Variants in CREB3L2 observed in about 807,000 individuals in gnomAD.
CREB3L2 encodes the protein cyclic AMP-responsive element-binding protein 3-like protein 2.
A neutral mutation model predicts 57.2 loss-of-function variants in CREB3L2; 23 were observed. The ratio of observed to expected loss-of-function variants is 0.40; its 90% confidence interval spans 0.29 to 0.57. The LOEUF is 0.57. CREB3L2 is among the 20% of genes least tolerant of loss of function. The pLI, the probability that CREB3L2 is intolerant of heterozygous loss-of-function variation, is 0.42. For synonymous variants in CREB3L2, 268 were observed against 265.1 expected (o/e 1.01, Z -0.11); for missense variants, 628 against 634.7 (o/e 0.99, Z 0.11).
Position 137,875,555 on chromosome 7 carries a change from TG to T in CREB3L2, c.*4920del. Reference sequence around the variant, plus strand: ...AACAAAAAGATAGGAGATGGACACCTGGGGGACTGCTCCAGCACGAAGGGAA... The same window carrying T: ...AACAAAAAGATAGGAGATGGACACCTGGGGACTGCTCCAGCACGAAGGGAA... On this transcript the variant is annotated 3_prime_UTR_variant, in exon 12 of 12. Transcript: ENST00000330387. 4.5e-6 allele frequency: 1 copy of T among 223,516 alleles called. No individual in the cohort carries two copies. The highest frequency in any genetic ancestry group is 1.8e-4 in the South Asian group (1 of 5,446). The allele number at this position is 223,516 out of a possible 1,614,324, so 13.8% of individuals were successfully genotyped here. A position where few individuals can be genotyped will look rare whatever the true frequency, so the allele number is the denominator to read the frequency against.
intron 1 of CREB3L2, among the ~76,000 whole-genome samples, chr7:137,973,247 C>T (rs1801549323): frequency 1.3e-5 from 2 of 151,736 alleles, no homozygotes; most frequent in Admixed American, 6.6e-5. Context: ...TAACGATGAC[C>T]TTAATCATAG....
At chr7:137,910,127 C>A (rs1799975423) in intron 4 of CREB3L2, among the ~76,000 whole-genome samples, 3 of 152,076 alleles carry the variant, frequency 2.0e-5, no homozygotes, top group Admixed American at 2.0e-4. Context: ...AGAGGATGAG[C>A]AGCAATCAGC....
chr7:137,898,056 A>G (rs1366559116), intron 8 of CREB3L2, among the ~76,000 whole-genome samples: 2 of 152,260 alleles, frequency 1.3e-5, no homozygotes, highest in African/African-American at 2.4e-5. Flanking sequence ...AGGAACTCAT[A>G]CAACTCAATA....
chr7:137,959,267 A>G (rs1801276252), intron 1 of CREB3L2, among the ~76,000 whole-genome samples: 1 of 152,230 alleles, frequency 6.6e-6, no homozygotes, highest in Admixed American at 6.5e-5. Context: ...CTGGGCCCCA[A>G]GAGTCTTTGG....
In CREB3L2 at chr7:137,915,935, C is replaced by T. The variant is rs200109348; in HGVS notation, c.397G>A (p.Glu133Lys). Residue 133 changes from glutamate to lysine, a missense_variant, in exon 3 of 12, where the codon GAA (glutamate) becomes AAA (lysine). Transcript: ENST00000330387. The stretch of plus-strand genomic sequence containing the variant: ...GACGGAACGAGTCCTGGGGGTGGTT[C>T]GTCTGTAACTGGCTCTGTCTTGATG... ...TSIKTEPVTD[E>K]PPPGLVPSVT... 1.2e-5 allele frequency: 20 copies of T among 1,613,932 alleles called. No homozygotes were observed. Among genetic ancestry groups the T allele is most frequent in the Admixed American group, 1.2e-4 (7 of 60,014 alleles).
intron 8 of CREB3L2, among the ~76,000 whole-genome samples, chr7:137,896,576 C>T (rs1799632046): frequency 6.6e-6 from 1 of 152,198 alleles, no homozygotes; most frequent in Non-Finnish European, 1.5e-5. Context: ...ACTGGGATTA[C>T]AGGTGTGAGC....
chr7:137,969,142 T>A (rs1285459860), intron 1 of CREB3L2, among the ~76,000 whole-genome samples: 1 of 152,100 alleles, frequency 6.6e-6, no homozygotes, highest in Non-Finnish European at 1.5e-5. Flanking sequence ...AAGAAAACTG[T>A]TCCCAGTCTG....
intron 1 of CREB3L2, among the ~76,000 whole-genome samples, chr7:137,967,560 A>G (rs1362033258): frequency 6.6e-6 from 1 of 152,058 alleles, no homozygotes; most frequent in Non-Finnish European, 1.5e-5. Context: ...CCAAAACAAG[A>G]GATACTCCGG....
intron 1 of CREB3L2, among the ~76,000 whole-genome samples, chr7:137,972,707 A>AACAAAACAAAAC (rs1408337627): frequency 2.3e-5 from 1 of 44,238 alleles, no homozygotes; most frequent in Admixed American, 2.7e-4. Context: ...AAAAAAAAAA[A>AACAAAACAAAAC]AAAAAATATA....
chr7:137,882,287 G>C (rs1048966588), intron 11 of CREB3L2, 125 bp downstream of exon 11: 7 of 675,156 alleles, frequency 1.0e-5, no homozygotes, highest in African/African-American at 8.9e-5. Flanking sequence ...CCTGGAAATA[G>C]GTCCTGAGAG....
intron 1 of CREB3L2, among the ~76,000 whole-genome samples, chr7:137,984,560 G>T (rs1032382736): frequency 6.6e-6 from 1 of 152,226 alleles, no homozygotes; most frequent in African/African-American, 2.4e-5. Flanking sequence ...CCTAGCTCAG[G>T]ACTGCTTGGT....
At chr7:137,995,962 G>A (rs531627607) in intron 1 of CREB3L2, among the ~76,000 whole-genome samples, 11 of 152,192 alleles carry the variant, frequency 7.2e-5, no homozygotes, top group African/African-American at 2.4e-4. Context: ...AAAATAATCC[G>A]TCAAAGATTT....
At position 137,876,898 on chromosome 7, in the gene CREB3L2, G is replaced by A. The variant is rs1286968876; in HGVS notation, c.*3578C>T. 4.3e-6 allele frequency: 1 copy of A among 232,164 alleles called. No individual in the cohort carries two copies. The highest frequency in any genetic ancestry group is 8.5e-6 in the Non-Finnish European group (1 of 117,442). The allele number at this position is 232,164 out of a possible 1,614,324, so 14.4% of individuals were successfully genotyped here. A position where few individuals can be genotyped will look rare whatever the true frequency, so the allele number is the denominator to read the frequency against. ...GGCATGAATGGGCCATTATTCAACT[G>A]GGGGTGGGATGTCTCCATTTCTGGA... On this transcript the variant is annotated 3_prime_UTR_variant, in exon 12 of 12. Coordinates refer to ENST00000330387, the MANE Select transcript of CREB3L2 (RefSeq NM_194071.4).
chr7:137,918,533 T>C (rs900531355), intron 2 of CREB3L2, among the ~76,000 whole-genome samples: 1 of 151,952 alleles, frequency 6.6e-6, no homozygotes, highest in Non-Finnish European at 1.5e-5. Flanking sequence ...CTGAGTAATA[T>C]TTATCCCTGG....
intron 8 of CREB3L2, among the ~76,000 whole-genome samples, chr7:137,894,021 T>C (rs1364400): frequency 0.14 from 21,014 of 152,156 alleles, 4,512 homozygotes; most frequent in African/African-American, 0.46. Flanking sequence ...CTCCACACCG[T>C]TGGAGAGAGA....
intron 1 of CREB3L2, among the ~76,000 whole-genome samples, chr7:137,970,059 G>A (rs1801481531): frequency 6.6e-6 from 1 of 152,192 alleles, no homozygotes; most frequent in African/African-American, 2.4e-5. Context: ...GGGGTTAGAA[G>A]ATCATCCAGC....
chr7:137,959,784 A>T (rs1433777635), intron 1 of CREB3L2, among the ~76,000 whole-genome samples: 4 of 152,362 alleles, frequency 2.6e-5, no homozygotes, highest in South Asian at 4.1e-4. Context: ...AGTAAACTGC[A>T]TCCTTTGCCA....
At chr7:137,919,651 G>A (rs764026691) in intron 2 of CREB3L2, among the ~76,000 whole-genome samples, 11 of 152,124 alleles carry the variant, frequency 7.2e-5, no homozygotes, top group Non-Finnish European at 1.2e-4. Flanking sequence ...ACAAAACACT[G>A]AAAATAACCA....
chr7:137,944,789 TTA>T (rs1187281418), intron 1 of CREB3L2, among the ~76,000 whole-genome samples: 3 of 152,206 alleles, frequency 2.0e-5, no homozygotes, highest in South Asian at 2.1e-4. Flanking sequence ...CTTTATATAT[TTA>T]TATATGTTGT....
Sources: gnomAD v4.1 joint callset for allele counts (sites outside exome capture counted in the v4.1 genomes callset) on GRCh38, gnomAD v4.1.1 for gene constraint, MANE v1.5 for transcripts, NCBI Gene and HGNC (gene_info 2026-07-23, HGNC 2026-07-21) for gene names.